DIPK1B: variants seen among roughly 807,000 people sequenced by gnomAD.
The protein encoded by DIPK1B is family with sequence similarity 69 member B.
Under a neutral mutation model 20.7 loss-of-function variants are expected in DIPK1B, and 17 were observed. The observed-to-expected ratio is 0.82, with a 90% CI of 0.56 to 1.23. The LOEUF (loss-of-function observed/expected upper bound fraction) is 1.23, where lower values mean the gene tolerates loss of function less well. Among genes scored for constraint, DIPK1B ranks in the 50% most tolerant of loss-of-function variants. The pLI is 0.00. For missense variants in DIPK1B, 648 were observed against 601.8 expected, an observed-to-expected ratio of 1.08 and a Z score of -0.80; for synonymous variants, 343 against 276.5, an observed-to-expected ratio of 1.24 and a Z score of -2.39.
rs1383992232 is a variant in DIPK1B at position 136,712,796 on chromosome 9, G to C, written c.63+68G>C. 1 of 1,153,088 alleles carries C rather than the reference G, an allele frequency of 8.7e-7. No homozygotes were observed. The highest frequency in any genetic ancestry group is 1.6e-5 in the African/African-American group (1 of 61,600). The allele number at this position is 1,153,088 out of a possible 1,614,324, so 71.4% of individuals were successfully genotyped here. A position where few individuals can be genotyped will look rare whatever the true frequency, so the allele number is the denominator to read the frequency against. ...GGGGAGGCCGAGCTCCAGCCCCGGA[G>C]TGGGCCGAGTACGGAGCGGGGCCCC... On this transcript the variant is annotated intron_variant, in intron 1 of 4. Transcript: ENST00000371692. This position sits in a 1 kb window ranked among gnomAD's most constrained non-coding sequence, Gnocchi z 5.6.
chr9:136,719,694 G>A lies in DIPK1B; in HGVS notation c.198+1983G>A, dbSNP rs371036470. Among the ~76,000 whole-genome samples, 3 of 152,228 alleles carry A rather than the reference G, an allele frequency of 2.0e-5. 1 individual carries two copies. In the East Asian group the frequency reaches 5.8e-4, roughly 29 times the overall value. On this transcript the variant is annotated intron_variant, in intron 2 of 4. Transcript: ENST00000371692. ...CACACTCTGCTAGGTGCTGGTAGGTGCCCAGGACCATGGAGGCAGCTCCAT... is the reference window on the plus strand; with the variant it reads ...CACACTCTGCTAGGTGCTGGTAGGTACCCAGGACCATGGAGGCAGCTCCAT...
chr9:136,723,435 G>A lies in DIPK1B; in HGVS notation c.957G>A (p.Val319=). 1 of 1,612,042 alleles carries A rather than the reference G, an allele frequency of 6.2e-7. No individual in the cohort carries two copies. Among genetic ancestry groups the A allele is most frequent in the Non-Finnish European group, 8.5e-7 (1 of 1,179,376 alleles). The change falls in exon 5 of 5, where the codon GTG becomes GTA. Residue 319 remains valine, a synonymous_variant. Coordinates refer to ENST00000371692, the MANE Select transcript of DIPK1B (RefSeq NM_152421.4). ...TCAAGATGGCCGACCTGCAGCAGGT[G>A]GCACCCGAGGCCACCGTGCGCCGCT... is the stretch of plus-strand genomic sequence containing the variant. ...YDFKMADLQQ[V]APEATVRRFL... is the part of the protein sequence containing the mutation.
intron 1 of DIPK1B, among the ~76,000 whole-genome samples, chr9:136,717,303 T>G (rs1199604196): frequency 2.0e-5 from 3 of 151,996 alleles, no homozygotes; most frequent in Non-Finnish European, 4.4e-5. Context: ...TGACATTTAT[T>G]TGTACCTGCC....
Position 136,712,849 on chromosome 9 carries a change from C to A in DIPK1B, c.63+121C>A. Reference sequence around the variant, plus strand: ...GTTCGGACACGAAGGGTTCATGAGCCCGGGGTGGGCAGCGGGGAGGGGGCG... The same window carrying A: ...GTTCGGACACGAAGGGTTCATGAGCACGGGGTGGGCAGCGGGGAGGGGGCG... On this transcript the variant is annotated intron_variant, in intron 1 of 4. Coordinates refer to ENST00000371692, the MANE Select transcript of DIPK1B (RefSeq NM_152421.4). The surrounding 1 kb of genome is among the most constrained non-coding windows in gnomAD (Gnocchi z 5.6). 2.0e-6 allele frequency: 1 copy of A among 512,754 alleles called. No individual in the cohort carries two copies. Among genetic ancestry groups the A allele is most frequent in the Non-Finnish European group, 2.8e-6 (1 of 359,236 alleles). The allele number at this position is 512,754 out of a possible 1,614,324, so 31.8% of individuals were successfully genotyped here.
chr9:136,717,830 T>A (rs1377718963), intron 2 of DIPK1B, 119 bp downstream of exon 2: 2 of 1,471,970 alleles, frequency 1.4e-6, no homozygotes, highest in East Asian at 4.7e-5. Flanking sequence ...GGCACGTGGG[T>A]TTCTAGGTGG....
rs573334782 is a variant in DIPK1B, at chr9:136,722,322, G to A, written c.483+21G>A. 455 of 1,604,198 alleles carry A rather than the reference G, an allele frequency of 2.8e-4. 4 individuals carry two copies. The South Asian group carries it at 4.9e-3, about 17-fold the overall frequency. On this transcript the variant is annotated intron_variant, in intron 4 of 4. Transcript: ENST00000371692. Reference sequence around the variant, plus strand: ...TCAAGGTCAGGCAGCTCTCCTAGGGGGCAGGGCAGGAGTCCACACCACGGT... The same window carrying A: ...TCAAGGTCAGGCAGCTCTCCTAGGGAGCAGGGCAGGAGTCCACACCACGGT...
intron 1 of DIPK1B, among the ~76,000 whole-genome samples, chr9:136,714,580 C>T (rs766337744): frequency 2.6e-5 from 4 of 152,226 alleles, no homozygotes; most frequent in Non-Finnish European, 5.9e-5. Context: ...TCACCCCAGA[C>T]GGAGCCATCC....
intron 1 of DIPK1B, among the ~76,000 whole-genome samples, chr9:136,716,804 C>T (rs1846503237): frequency 6.6e-6 from 1 of 152,142 alleles, no homozygotes; most frequent in South Asian, 2.1e-4. Context: ...CCGGAACTTC[C>T]CACCAATCTG....
intron 2 of DIPK1B, among the ~76,000 whole-genome samples, chr9:136,719,115 T>A (rs1846548710): frequency 2.3e-4 from 3 of 13,064 alleles, no homozygotes; most frequent in Admixed American, 9.4e-4. Context: ...ACCAAGGAGG[T>A]GGAGGGGCCG....
At chr9:136,717,842 A>G in intron 2 of DIPK1B, 131 bp downstream of exon 2, 1 of 1,396,184 alleles carries the variant, frequency 7.2e-7, no homozygotes, top group South Asian at 1.3e-5. Context: ...TCTAGGTGGA[A>G]TCTGCAAAGC....
intron 2 of DIPK1B, among the ~76,000 whole-genome samples, chr9:136,718,096 A>C (rs1846527456): frequency 6.8e-6 from 1 of 146,034 alleles, no homozygotes; most frequent in African/African-American, 2.6e-5. Flanking sequence ...TCCTCACTGG[A>C]TGGGATAGAG....
In DIPK1B at chr9:136,720,489, G is replaced by A. The variant is rs188390233; in HGVS notation, c.199-1432G>A. Among the ~76,000 whole-genome samples, 540 of 152,282 alleles carry A rather than the reference G, an allele frequency of 3.5e-3. 11 individuals carry two copies. The highest frequency in any genetic ancestry group is 0.032 in the Admixed American group (491 of 15,298). On this transcript the variant is annotated intron_variant, in intron 2 of 4. Coordinates refer to ENST00000371692, the MANE Select transcript of DIPK1B (RefSeq NM_152421.4). The stretch of plus-strand genomic sequence containing the variant: ...GAATTCTCCCCCCCCCAGAGGGGCG[G>A]GCCAGCTCCATCCCTCCATCACCTC...
chr9:136,712,763 C>G lies in DIPK1B; in HGVS notation c.63+35C>G. The G allele has an allele frequency of 7.7e-7, 1 of 1,306,890 alleles. No homozygotes were observed. The highest frequency in any genetic ancestry group is 9.7e-7 in the Non-Finnish European group (1 of 1,030,322). The allele number at this position is 1,306,890 out of a possible 1,614,324, so 81.0% of individuals were successfully genotyped here. A position where few individuals can be genotyped will look rare whatever the true frequency, so the allele number is the denominator to read the frequency against. On this transcript the variant is annotated intron_variant, in intron 1 of 4. Coordinates refer to ENST00000371692, the MANE Select transcript of DIPK1B (RefSeq NM_152421.4). This position sits in a 1 kb window ranked among gnomAD's most constrained non-coding sequence, Gnocchi z 5.6. ...GTGCGCGCCCGCCGCCCCCGGCCGC[C>G]TCTGCCTGGGGAGGCCGAGCTCCAG...
At chr9:136,718,145 C>T (rs1486390492) in intron 2 of DIPK1B, among the ~76,000 whole-genome samples, 1 of 142,730 alleles carries the variant, frequency 7.0e-6, no homozygotes, top group Non-Finnish European at 1.5e-5. Flanking sequence ...GGATAGCGAC[C>T]CCCGTGTGCT....
At chr9:136,718,202 GTC>G (rs1290971942) in intron 2 of DIPK1B, among the ~76,000 whole-genome samples, 1 of 32,958 alleles carries the variant, frequency 3.0e-5, no homozygotes, top group African/African-American at 8.1e-5. Context: ...GGCCTCACTG[GTC>G]CAGGATAGAG....
intron 1 of DIPK1B, among the ~76,000 whole-genome samples, chr9:136,714,333 A>G (rs537784620): frequency 6.6e-6 from 1 of 151,914 alleles, no homozygotes; most frequent in South Asian, 2.1e-4. Flanking sequence ...TCTCAAAAGA[A>G]CAACAACAAC....
Position 136,722,305 on chromosome 9 carries a change from A to G in DIPK1B, c.483+4A>G, listed in dbSNP as rs1846619358. ...GATGACCCTCAGCTTCCTCAAGGTC[A>G]GGCAGCTCTCCTAGGGGGCAGGGCA... On this transcript the variant is annotated splice_donor_region_variant and intron_variant, in intron 4 of 4. Coordinates refer to ENST00000371692, the MANE Select transcript of DIPK1B (RefSeq NM_152421.4). The G allele has an allele frequency of 1.2e-6, 2 of 1,610,660 alleles. No homozygotes were observed. The highest frequency in any genetic ancestry group is 1.1e-5 in the South Asian group (1 of 90,650).
Position 136,712,690 on chromosome 9 carries a change from C to T in DIPK1B, c.25C>T (p.His9Tyr). The T allele has an allele frequency of 7.5e-7, 1 of 1,336,216 alleles. No homozygotes were observed. The highest frequency in any genetic ancestry group is 1.9e-5 in the South Asian group (1 of 53,892). The allele number at this position is 1,336,216 out of a possible 1,614,324, so 82.8% of individuals were successfully genotyped here. A position where few individuals can be genotyped will look rare whatever the true frequency, so the allele number is the denominator to read the frequency against. The change falls in exon 1 of 5, where the codon CAC becomes TAC. Residue 9 changes from histidine (H) to tyrosine (Y), a missense_variant. His to Tyr is a moderately conservative substitution (Grantham distance 83). Transcript: ENST00000371692. This position sits in a 1 kb window ranked among gnomAD's most constrained non-coding sequence, Gnocchi z 5.6. The stretch of plus-strand genomic sequence containing the variant: ...CATGCGGCGGCTGCGGCGCCTGGCG[C>T]ACCTGGTGCTCTTCTGCCCCTTCTC... MRRLRRLA[H>Y]LVLFCPFSKR...
chr9:136,714,579 A>T (rs1588279879), intron 1 of DIPK1B, among the ~76,000 whole-genome samples: 1 of 152,306 alleles, frequency 6.6e-6, no homozygotes, highest in South Asian at 2.1e-4. Context: ...TTCACCCCAG[A>T]CGGAGCCATC....
Sources: allele counts gnomAD v4.1 joint callset (sites outside exome capture counted in the v4.1 genomes callset), GRCh38; gene constraint gnomAD v4.1.1; non-coding constraint Gnocchi (gnomAD v3.1); transcripts MANE v1.5; gene names NCBI Gene and HGNC (gene_info 2026-07-23, HGNC 2026-07-21).